ANKRD62: variants seen among roughly 807,000 people sequenced by gnomAD.
ANKRD62 encodes the protein ankyrin repeat domain-containing protein 62.
In ANKRD62, 61 loss-of-function variants were observed where a neutral mutation model predicts 98.8. The observed-to-expected ratio is 0.62, with a 90% CI of 0.50 to 0.76. The LOEUF (loss-of-function observed/expected upper bound fraction) is 0.76, where lower values mean the gene tolerates loss of function less well. Ranked by LOEUF, ANKRD62 falls within the 30% of genes least tolerant of loss-of-function variation. ANKRD62 has a pLI of 0.00. For missense variants in ANKRD62, 933 were observed against 1,082.9 expected (o/e 0.86, Z 1.94); for synonymous variants, 341 against 367.9 (o/e 0.93, Z 0.84).
At chr18:12,178,319 C>A in the ANKRD62 span, among the ~76,000 whole-genome samples, 1 of 149,294 alleles carries the variant, frequency 6.7e-6, no homozygotes, top group African/African-American at 2.6e-5. Flanking sequence ...ATCCCCACCA[C>A]CAGAGCATGG....
chr18:12,136,823 GT>G, the ANKRD62 span, among the ~76,000 whole-genome samples: 3 of 152,318 alleles, frequency 2.0e-5, no homozygotes, highest in Admixed American at 2.0e-4. Context: ...GTGAATGGAA[GT>G]ACACTCATGA....
At position 12,103,266 on chromosome 18, in the gene ANKRD62, T is replaced by G. The variant is rs898846918; in HGVS notation, c.891+38T>G. The G allele has an allele frequency of 4.0e-6, 5 of 1,255,146 alleles. No homozygotes were observed. The Admixed American group carries it at 1.0e-4, about 26-fold the overall frequency. The allele number at this position is 1,255,146 out of a possible 1,614,324, so 77.8% of individuals were successfully genotyped here. A position where few individuals can be genotyped will look rare whatever the true frequency, so the allele number is the denominator to read the frequency against. The stretch of plus-strand genomic sequence containing the variant: ...TTAATTTCAAATTTCTGGTTTTCTT[T>G]GGTAATGTAGCATAATCCAAATGAA... On this transcript the variant is annotated intron_variant, in intron 7 of 13. Coordinates refer to ENST00000587848, the MANE Select transcript of ANKRD62 (RefSeq NM_001277333.2).
At chr18:12,095,407 A>G (rs1428072099) in intron 2 of ANKRD62, 30 bp from the exon 3 acceptor site, 6 of 1,551,974 alleles carry the variant, frequency 3.9e-6, no homozygotes, top group Non-Finnish European at 5.2e-6. Context: ...CCTAGAATTT[A>G]CAGTCTATTT....
At chr18:12,104,061 T>C (rs1407278692) in intron 7 of ANKRD62, among the ~76,000 whole-genome samples, 1 of 152,104 alleles carries the variant, frequency 6.6e-6, no homozygotes, top group Admixed American at 6.6e-5. Context: ...AAATGTGCAC[T>C]ATTGGGTATC....
chr18:12,102,714 A>C (rs1598731172), intron 6 of ANKRD62: 1 of 1,030,954 alleles, frequency 9.7e-7, no homozygotes, highest in Non-Finnish European at 1.2e-6. Flanking sequence ...GTGTATATGG[A>C]TGAAGGTATA....
At chr18:12,159,561 AG>A in the ANKRD62 span, among the ~76,000 whole-genome samples, 1 of 152,218 alleles carries the variant, frequency 6.6e-6, no homozygotes, top group Non-Finnish European at 1.5e-5. Context: ...TAGAGTCTAT[AG>A]GTTACAAAGA....
the ANKRD62 span, among the ~76,000 whole-genome samples, chr18:12,156,907 C>T: frequency 1.3e-5 from 2 of 152,114 alleles, no homozygotes; most frequent in African/African-American, 4.8e-5. Flanking sequence ...CATAGTTTTG[C>T]TGATAAGATA....
the ANKRD62 span, among the ~76,000 whole-genome samples, chr18:12,136,960 G>A: frequency 1.3e-5 from 2 of 152,056 alleles, no homozygotes; most frequent in Non-Finnish European, 2.9e-5. Context: ...TGAGATGATG[G>A]GGTTTTCTAG....
intron 3 of ANKRD62, 130 bp downstream of exon 3, chr18:12,095,740 C>A: frequency 1.2e-6 from 1 of 868,402 alleles, no homozygotes; most frequent in Non-Finnish European, 1.7e-6. Context: ...GCTTTACATA[C>A]AACTATTTAA....
At chr18:12,139,354 G>A in the ANKRD62 span, among the ~76,000 whole-genome samples, 1 of 152,114 alleles carries the variant, frequency 6.6e-6, no homozygotes, top group South Asian at 2.1e-4. Context: ...TTTTCTTTAA[G>A]AATGTTGAAG....
intron 10 of ANKRD62, among the ~76,000 whole-genome samples, chr18:12,121,463 G>A (rs1303217931): frequency 1.4e-4 from 21 of 152,060 alleles, no homozygotes; most frequent in Admixed American, 1.4e-3. Context: ...TTGGTCTTAG[G>A]AAGTTTCCTA....
At chr18:12,155,117 A>G in the ANKRD62 span, among the ~76,000 whole-genome samples, 1 of 152,252 alleles carries the variant, frequency 6.6e-6, no homozygotes, top group African/African-American at 2.4e-5. Context: ...GGAACCTAAA[A>G]TAGATGTTAA....
At chr18:12,096,075 G>A (rs1310028582) in intron 3 of ANKRD62, 121 bp from the exon 4 acceptor site, 8 of 695,180 alleles carry the variant, frequency 1.2e-5, no homozygotes, top group Non-Finnish European at 1.9e-5. Flanking sequence ...AGAAGGAAGG[G>A]ATTGCTTTTT....
At chr18:12,174,234 T>C in the ANKRD62 span, among the ~76,000 whole-genome samples, 2 of 152,246 alleles carry the variant, frequency 1.3e-5, no homozygotes, top group Non-Finnish European at 2.9e-5. Flanking sequence ...GACTGTTTTA[T>C]TTCAGAAAGC....
At chr18:12,137,335 T>A in the ANKRD62 span, among the ~76,000 whole-genome samples, 2 of 152,224 alleles carry the variant, frequency 1.3e-5, no homozygotes, top group Non-Finnish European at 2.9e-5. Context: ...GTTCTGTTTA[T>A]ATGCTGGATT....
chr18:12,158,078 C>A, the ANKRD62 span, among the ~76,000 whole-genome samples: 1 of 152,372 alleles, frequency 6.6e-6, no homozygotes, highest in Non-Finnish European at 1.5e-5. Flanking sequence ...GCCTGCCTTC[C>A]TCATCTCAGG....
chr18:12,179,682 G>T, the ANKRD62 span, among the ~76,000 whole-genome samples: 2 of 150,446 alleles, frequency 1.3e-5, no homozygotes, highest in Non-Finnish European at 2.9e-5. Flanking sequence ...CAGATTGTAG[G>T]ATACCCAAAC....
chr18:12,177,769 G>A, the ANKRD62 span, among the ~76,000 whole-genome samples: 1 of 146,838 alleles, frequency 6.8e-6, no homozygotes, highest in African/African-American at 2.6e-5. Flanking sequence ...TTTCATGAGA[G>A]ACAAGAAAGC....
chr18:12,145,315 G>A, the ANKRD62 span, among the ~76,000 whole-genome samples: 13 of 152,106 alleles, frequency 8.5e-5, 1 homozygote, highest in Admixed American at 2.6e-4. Flanking sequence ...TCCAAAGCTC[G>A]AAAAAATGCA....
Sources: allele counts gnomAD v4.1 joint callset (sites outside exome capture counted in the v4.1 genomes callset), GRCh38; gene constraint gnomAD v4.1.1; transcripts MANE v1.5; gene names NCBI Gene and HGNC (gene_info 2026-07-23, HGNC 2026-07-21).